Variants in TET3 observed in about 807,000 individuals in gnomAD.
TET3 encodes tet methylcytosine dioxygenase 3, also known as methylcytosine dioxygenase TET3.
A neutral mutation model predicts 141.4 loss-of-function variants in TET3; 19 were observed. The ratio of observed to expected loss-of-function variants is 0.13; its 90% CI spans 0.09 to 0.20. The LOEUF (loss-of-function observed/expected upper bound fraction) is 0.20. Ranked by LOEUF, TET3 falls within the 10% of genes least tolerant of loss-of-function variation. TET3 has a pLI of 1.00. For missense variants in TET3, 1,874 were observed against 2,356.9 expected (o/e 0.80, Z 4.24); for synonymous variants, 1,043 against 980.9 (o/e 1.06, Z -1.18).
chr2:73,995,799 G>A (rs1484678623), intron 2 of TET3, among the ~76,000 whole-genome samples: 1 of 152,214 alleles, frequency 6.6e-6, no homozygotes, highest in Non-Finnish European at 1.5e-5. Flanking sequence ...GGAAATAGCT[G>A]TCTGAATTGG....
chr2:74,025,875 A>G (rs1206514414), intron 3 of TET3, among the ~76,000 whole-genome samples: 1 of 152,124 alleles, frequency 6.6e-6, no homozygotes, highest in Admixed American at 6.5e-5. Flanking sequence ...AGGCCAAGGT[A>G]GGAGGATCAC....
chr2:74,040,794 A>C (rs539190465), intron 3 of TET3, among the ~76,000 whole-genome samples: 17 of 152,310 alleles, frequency 1.1e-4, no homozygotes, highest in African/African-American at 3.8e-4. Context: ...CTGTGGTCCC[A>C]GCTACTTGGG....
chr2:74,012,271 C>A (rs930434565), intron 3 of TET3, among the ~76,000 whole-genome samples: 2 of 152,286 alleles, frequency 1.3e-5, no homozygotes, highest in Non-Finnish European at 2.9e-5. Flanking sequence ...CTCCTCAGGC[C>A]CCATTAGTCA....
At chr2:74,027,251 G>A (rs1573726481) in intron 3 of TET3, among the ~76,000 whole-genome samples, 2 of 152,148 alleles carry the variant, frequency 1.3e-5, no homozygotes, top group South Asian at 4.2e-4. Context: ...GCTGCTTATG[G>A]AGATGCAGAT....
chr2:74,102,627 A>G lies in TET3; in HGVS notation c.*451A>G, dbSNP rs1211355714. 6.6e-6 allele frequency: 1 copy of G among 152,170 alleles called. No individual in the cohort carries two copies. The highest frequency in any genetic ancestry group is 2.4e-5 in the African/African-American group (1 of 41,448). 9.4% of individuals were successfully genotyped at this position (152,170 alleles called of 1,614,324 possible). On this transcript the variant is annotated 3_prime_UTR_variant, in exon 12 of 12. Coordinates refer to ENST00000409262, the MANE Select transcript of TET3 (RefSeq NM_001287491.2). ...TTTAAAAGCGACAATAGTAATGGTAAAGGATGGGCAGGAAAGGCCAGTAGT... is the reference window on the plus strand; with the variant it reads ...TTTAAAAGCGACAATAGTAATGGTAGAGGATGGGCAGGAAAGGCCAGTAGT...
At chr2:74,117,353 A>T in the TET3 span, among the ~76,000 whole-genome samples, 1 of 152,124 alleles carries the variant, frequency 6.6e-6, no homozygotes, top group African/African-American at 2.4e-5. Context: ...CTGGAATTAC[A>T]GGCATGAGCC....
the TET3 span, chr2:74,134,412 C>T: frequency 3.9e-3 from 1,096 of 278,750 alleles, 3 homozygotes; most frequent in Middle Eastern, 0.013. Flanking sequence ...AATTACAAAA[C>T]GGGGGCACAA....
At chr2:74,000,943 T>C (rs1465625633) in intron 2 of TET3, among the ~76,000 whole-genome samples, 1 of 152,136 alleles carries the variant, frequency 6.6e-6, no homozygotes, top group Non-Finnish European at 1.5e-5. Flanking sequence ...AAGCATTGTT[T>C]GTCTCTCCTA....
intron 3 of TET3, among the ~76,000 whole-genome samples, chr2:74,040,095 C>G (rs1010827316): frequency 6.6e-6 from 1 of 152,100 alleles, no homozygotes; most frequent in African/African-American, 2.4e-5. Flanking sequence ...ATTAAGCACT[C>G]GATGCATATG....
chr2:74,033,512 G>A (rs1398989847), intron 3 of TET3, among the ~76,000 whole-genome samples: 1 of 152,014 alleles, frequency 6.6e-6, no homozygotes, highest in African/African-American at 2.4e-5. Flanking sequence ...ATCATTTTAA[G>A]CAGTTGTGTA....
chr2:74,097,058 C>G (rs1690876739), intron 10 of TET3, among the ~76,000 whole-genome samples: 2 of 150,162 alleles, frequency 1.3e-5, no homozygotes, highest in African/African-American at 4.9e-5. Flanking sequence ...CACCACTGCA[C>G]TGCAGCCTGG....
At chr2:74,129,312 G>A in the TET3 span, among the ~76,000 whole-genome samples, 10 of 45,506 alleles carry the variant, frequency 2.2e-4, no homozygotes, top group South Asian at 1.0e-3. Flanking sequence ...GTGAAACTCC[G>A]TCTCAAAAAA....
At chr2:74,031,405 G>C (rs1366420114) in intron 3 of TET3, among the ~76,000 whole-genome samples, 3 of 152,142 alleles carry the variant, frequency 2.0e-5, no homozygotes, top group Non-Finnish European at 4.4e-5. Context: ...AAATGCCTAG[G>C]TTCCTGTTCT....
In TET3 at chr2:74,048,018, C is replaced by A; in HGVS notation, c.2101C>A (p.Pro701Thr). Residue 701 changes from proline (P) to threonine (T), a missense_variant, in exon 4 of 12, where the codon CCC (proline) becomes ACC (threonine). Transcript: ENST00000409262. ...ALQPGSTGPL[P>T]PADDKLEELI... ...GCAGCCAGGCTCCACTGGCCCTCTT[C>A]CCCCTGCCGATGACAAGCTGGAAGA... 3 of 1,608,884 alleles carry A rather than the reference C, an allele frequency of 1.9e-6. No homozygotes were observed. The highest frequency in any genetic ancestry group is 2.5e-6 in the Non-Finnish European group (3 of 1,177,338).
intron 11 of TET3, among the ~76,000 whole-genome samples, chr2:74,100,134 T>C (rs1313859875): frequency 6.6e-6 from 1 of 152,120 alleles, no homozygotes; most frequent in Non-Finnish European, 1.5e-5. Flanking sequence ...GGGGGTACTG[T>C]GGACCCCGCA....
rs372102282 is a variant in TET3 at position 74,099,410 on chromosome 2, G to A, written c.3402G>A (p.Val1134=). 199 of 1,613,906 alleles carry A rather than the reference G, an allele frequency of 1.2e-4. No homozygotes were observed. The highest frequency in any genetic ancestry group is 6.6e-4 in the Middle Eastern group (4 of 6,084). ...FGSEENQNAK[V]GSGAIQVLTA... ...GCGAGGAGAACCAGAATGCAAAGGTGGGCAGCGGAGCCATCCAGGTGCTCA... is the reference window on the plus strand; with the variant it reads ...GCGAGGAGAACCAGAATGCAAAGGTAGGCAGCGGAGCCATCCAGGTGCTCA... The change falls in exon 11 of 12, where the codon GTG becomes GTA. Residue 1134 remains valine, a synonymous_variant. Transcript: ENST00000409262.
intron 5 of TET3, among the ~76,000 whole-genome samples, chr2:74,080,279 G>A (rs949965522): frequency 2.6e-5 from 4 of 152,226 alleles, no homozygotes; most frequent in African/African-American, 9.6e-5. Flanking sequence ...ATGGGCGGGA[G>A]CAGAGAAGGG....
chr2:74,026,358 A>AC (rs1318057098), intron 3 of TET3, among the ~76,000 whole-genome samples: 2 of 151,272 alleles, frequency 1.3e-5, no homozygotes, highest in African/African-American at 2.4e-5. Context: ...CACCCCTGTC[A>AC]CCCCCCTCTC....
chr2:74,067,853 G>A (rs1377315106), intron 4 of TET3, among the ~76,000 whole-genome samples: 1 of 152,238 alleles, frequency 6.6e-6, no homozygotes, highest in Admixed American at 6.5e-5. Context: ...AGGTTGCAAG[G>A]CAGGGAGGTG....
Sources: gnomAD v4.1 joint callset for allele counts (sites outside exome capture counted in the v4.1 genomes callset) on GRCh38, gnomAD v4.1.1 for gene constraint, MANE v1.5 for transcripts, NCBI Gene and HGNC (gene_info 2026-07-23, HGNC 2026-07-21) for gene names.